Variants in OR9Q1 observed in about 807,000 individuals in gnomAD.
The protein encoded by OR9Q1 is olfactory receptor 9Q1.
For synonymous variants in OR9Q1, 153 were observed against 148.6 expected (o/e 1.03, Z -0.22); for missense variants, 374 against 378.8 (o/e 0.99, Z 0.11).
At chr11:58,054,489 C>T (rs1324906814) in intron 1 of OR9Q1, among the ~76,000 whole-genome samples, 1 of 152,186 alleles carries the variant, frequency 6.6e-6, no homozygotes, top group Non-Finnish European at 1.5e-5. Context: ...ATATTTATTA[C>T]TCTTTCAACT....
intron 1 of OR9Q1, among the ~76,000 whole-genome samples, chr11:58,024,997 G>A (rs904997878): frequency 6.6e-5 from 10 of 152,162 alleles, no homozygotes; most frequent in African/African-American, 2.4e-4. Flanking sequence ...GTAGTTCTTT[G>A]ATCTTGCCCA....
intron 2 of OR9Q1, among the ~76,000 whole-genome samples, chr11:58,153,388 T>C (rs1476239999): frequency 6.6e-6 from 1 of 152,102 alleles, no homozygotes. Context: ...GAGTGCTCAA[T>C]TGTAGATACA....
chr11:58,093,604 CA>C (rs1853703794), intron 2 of OR9Q1, among the ~76,000 whole-genome samples: 1 of 151,454 alleles, frequency 6.6e-6, no homozygotes, highest in Non-Finnish European at 1.5e-5. Context: ...ACTTAAAATA[CA>C]AAAAATTTGC....
chr11:58,123,398 T>C (rs1229191746), intron 2 of OR9Q1, among the ~76,000 whole-genome samples: 1 of 152,216 alleles, frequency 6.6e-6, no homozygotes, highest in Admixed American at 6.5e-5. Context: ...ATCTATCTCA[T>C]GGCTAATTCC....
chr11:58,119,582 A>G (rs1181502808), intron 2 of OR9Q1: 1 of 600,604 alleles, frequency 1.7e-6, no homozygotes, highest in Non-Finnish European at 2.9e-6. Context: ...TTTTTAAGAA[A>G]TTCTGAAACT....
At chr11:58,161,375 G>C (rs1854456092) in intron 2 of OR9Q1, among the ~76,000 whole-genome samples, 1 of 152,074 alleles carries the variant, frequency 6.6e-6, no homozygotes, top group African/African-American at 2.4e-5. Flanking sequence ...AAGAGACAGA[G>C]AGAGAGAGAA....
intron 2 of OR9Q1, chr11:58,109,203 C>T (rs1356261283): frequency 2.1e-6 from 1 of 474,464 alleles, no homozygotes; most frequent in East Asian, 6.6e-5. Flanking sequence ...TGGCCCCTGA[C>T]ACCCCACAGA....
intron 2 of OR9Q1, among the ~76,000 whole-genome samples, chr11:58,070,745 A>T (rs1231937054): frequency 6.6e-6 from 1 of 152,172 alleles, no homozygotes; most frequent in African/African-American, 2.4e-5. Flanking sequence ...ATCAAGCTCT[A>T]GCCATAGATG....
At chr11:58,115,347 T>C (rs1247224664) in intron 2 of OR9Q1, among the ~76,000 whole-genome samples, 1 of 152,214 alleles carries the variant, frequency 6.6e-6, no homozygotes, top group Non-Finnish European at 1.5e-5. Flanking sequence ...AAGCAATTCC[T>C]AATTCAAGAG....
At chr11:58,125,057 A>G (rs1854075415) in intron 2 of OR9Q1, among the ~76,000 whole-genome samples, 4 of 152,200 alleles carry the variant, frequency 2.6e-5, no homozygotes, top group Admixed American at 6.5e-5. Flanking sequence ...GTCCTAGTAC[A>G]TATGACTAAT....
At chr11:58,157,632 A>G (rs1374016005) in intron 2 of OR9Q1, among the ~76,000 whole-genome samples, 3 of 152,202 alleles carry the variant, frequency 2.0e-5, no homozygotes, top group African/African-American at 7.2e-5. Context: ...TTAATGCTAC[A>G]CATCAGGCTT....
Position 58,042,696 on chromosome 11 carries a change from G to T in OR9Q1, c.-92-13174G>T, listed in dbSNP as rs1434446465. Among the ~76,000 whole-genome samples the T allele has an allele frequency of 1.1e-4, 17 of 152,106 alleles. No individual in the cohort carries two copies. In the South Asian group the frequency reaches 1.5e-3, roughly 13 times the overall value. On this transcript the variant is annotated intron_variant, in intron 1 of 2. Coordinates refer to ENST00000335397, the MANE Select transcript of OR9Q1 (RefSeq NM_001005212.4). ...AATTCTGTGAAGAAAGTCATTGGTAGCTTGATGGGGATGGCATTGAATCTA... is the reference window on the plus strand; with the variant it reads ...AATTCTGTGAAGAAAGTCATTGGTATCTTGATGGGGATGGCATTGAATCTA...
rs547211156 is a variant in OR9Q1, at chr11:58,101,683, G to A, written c.-15+45736G>A. On this transcript the variant is annotated intron_variant, in intron 2 of 2. Transcript: ENST00000335397. ...TTGTTTTGGTTGCATTTGGTTTTGG[G>A]GTCTTAGTCATAAATTCTTTGCCTA... 7.2e-5 allele frequency among the ~76,000 whole-genome samples: 11 copies of A among 152,126 alleles called. No individual in the cohort carries two copies. In the East Asian group the frequency reaches 7.7e-4, roughly 11 times the overall value.
At chr11:58,103,321 A>T (rs966293538) in intron 2 of OR9Q1, among the ~76,000 whole-genome samples, 1 of 152,118 alleles carries the variant, frequency 6.6e-6, no homozygotes, top group Non-Finnish European at 1.5e-5. Flanking sequence ...CTGTGATTCA[A>T]TTATTTCCTA....
intron 2 of OR9Q1, chr11:58,109,237 C>A (rs781585078): frequency 1.1e-5 from 5 of 464,486 alleles, no homozygotes; most frequent in Admixed American, 4.7e-5. Context: ...CAAAAAGACC[C>A]TGCAGGTACC....
intron 2 of OR9Q1, among the ~76,000 whole-genome samples, chr11:58,148,449 A>G (rs1186624583): frequency 6.6e-6 from 1 of 152,168 alleles, no homozygotes; most frequent in East Asian, 1.9e-4. Flanking sequence ...AGAAATACTT[A>G]CCAGATTTCT....
intron 2 of OR9Q1, among the ~76,000 whole-genome samples, chr11:58,157,510 A>C (rs565466679): frequency 6.6e-6 from 1 of 152,272 alleles, no homozygotes; most frequent in Admixed American, 6.5e-5. Flanking sequence ...AGTAAAAATA[A>C]TACCTGAGAA....
chr11:58,044,949 T>C (rs903778571), intron 1 of OR9Q1: 1 of 152,220 alleles, frequency 6.6e-6, no homozygotes, highest in African/African-American at 2.4e-5. Flanking sequence ...AGTGCCAACA[T>C]GATGCCTCAA....
At chr11:58,140,663 A>T (rs1281629940) in intron 2 of OR9Q1, among the ~76,000 whole-genome samples, 1 of 152,220 alleles carries the variant, frequency 6.6e-6, no homozygotes, top group Non-Finnish European at 1.5e-5. Flanking sequence ...TTTTGGTACC[A>T]GTACCATGCT....
Sources: gnomAD v4.1 joint callset for allele counts (sites outside exome capture counted in the v4.1 genomes callset) on GRCh38, gnomAD v4.1.1 for gene constraint, MANE v1.5 for transcripts, NCBI Gene and HGNC (gene_info 2026-07-23, HGNC 2026-07-21) for gene names.